GLIS3: variants seen among roughly 807,000 people sequenced by gnomAD.
The protein encoded by GLIS3 is zinc finger protein GLIS3.
A neutral mutation model predicts 78.6 loss-of-function variants in GLIS3; 53 were observed. The ratio of observed to expected loss-of-function variants is 0.67; its 90% CI spans 0.54 to 0.85. The LOEUF (loss-of-function observed/expected upper bound fraction) is 0.85, where lower values mean the gene tolerates loss of function less well. Ranked by LOEUF, GLIS3 falls within the 40% of genes least tolerant of loss-of-function variation. The pLI, the probability that GLIS3 is intolerant of heterozygous loss-of-function variation, is 0.00. For missense variants in GLIS3, 1,703 were observed against 1,231.1 expected, an observed-to-expected ratio of 1.38 and a Z score of -5.74; for synonymous variants, 684 against 509.9, an observed-to-expected ratio of 1.34 and a Z score of -4.60.
the GLIS3 span, among the ~76,000 whole-genome samples, chr9:4,373,128 C>T: frequency 2.0e-5 from 3 of 152,296 alleles, no homozygotes; most frequent in African/African-American, 7.2e-5. Flanking sequence ...CAGAAAAATA[C>T]GGGCTTTTGT....
intron 2 of GLIS3, among the ~76,000 whole-genome samples, chr9:4,166,835 G>C (rs999021600): frequency 6.6e-6 from 1 of 152,244 alleles, no homozygotes; most frequent in Non-Finnish European, 1.5e-5. Flanking sequence ...CAGATGGTAA[G>C]ATGTAGAGAC....
chr9:4,149,297 C>T (rs760493965), intron 2 of GLIS3, among the ~76,000 whole-genome samples: 1 of 152,210 alleles, frequency 6.6e-6, no homozygotes, highest in Non-Finnish European at 1.5e-5. Flanking sequence ...TCCCATTTCA[C>T]AGGGGAGGAA....
the GLIS3 span, among the ~76,000 whole-genome samples, chr9:4,368,563 G>A: frequency 1.3e-5 from 2 of 152,154 alleles, no homozygotes; most frequent in African/African-American, 4.8e-5. Context: ...GTGTTAGCCA[G>A]GATGGTCTCC....
chr9:4,157,931 G>T (rs979867272), intron 2 of GLIS3, among the ~76,000 whole-genome samples: 5 of 152,138 alleles, frequency 3.3e-5, no homozygotes, highest in Non-Finnish European at 7.3e-5. Context: ...AACCTTTTCA[G>T]TAAAAATATG....
intron 2 of GLIS3, among the ~76,000 whole-genome samples, chr9:4,259,832 T>C (rs533970776): frequency 1.3e-5 from 2 of 152,118 alleles, no homozygotes; most frequent in East Asian, 1.9e-4. Flanking sequence ...TGCCATTTTG[T>C]AAAAAAAAGT....
chr9:4,221,601 T>G (rs1821335881), intron 2 of GLIS3, among the ~76,000 whole-genome samples: 1 of 152,136 alleles, frequency 6.6e-6, no homozygotes, highest in South Asian at 2.1e-4. Flanking sequence ...AGTCCCCCCT[T>G]TAATATCAAA....
In GLIS3 at chr9:4,239,989, T is replaced by G. The variant is rs192117514; in HGVS notation, c.388+46049A>C. Among the ~76,000 whole-genome samples, 3 of 152,354 alleles carry G rather than the reference T, an allele frequency of 2.0e-5. No homozygotes were observed. In the East Asian group the frequency reaches 5.8e-4, roughly 29 times the overall value. On this transcript the variant is annotated intron_variant, in intron 2 of 10. Coordinates refer to ENST00000381971, the MANE Select transcript of GLIS3 (RefSeq NM_001042413.2). Reference sequence around the variant, plus strand: ...AGTTACTTTTTTCTAACTTCACTTTTTTTACGTTGAATTATTTCTGCAACC... The same window carrying G: ...AGTTACTTTTTTCTAACTTCACTTTGTTTACGTTGAATTATTTCTGCAACC...
At chr9:4,450,750 G>A in the GLIS3 span, among the ~76,000 whole-genome samples, 3 of 152,172 alleles carry the variant, frequency 2.0e-5, no homozygotes, top group African/African-American at 4.8e-5. Flanking sequence ...GCCAAACTAA[G>A]CTTCACAAGT....
chr9:4,152,157 C>G, intron 2 of GLIS3: 4 of 978,140 alleles, frequency 4.1e-6, no homozygotes. Context: ...ACTCTGCTTC[C>G]TCCAACACCC....
chr9:4,318,044 A>G (rs1024706656), intron 2 of GLIS3, among the ~76,000 whole-genome samples: 1 of 152,230 alleles, frequency 6.6e-6, no homozygotes, highest in African/African-American at 2.4e-5. Context: ...GAAAAATTAT[A>G]GAAACTGAGG....
At chr9:3,984,225 C>G (rs1819540718) in intron 4 of GLIS3, among the ~76,000 whole-genome samples, 1 of 152,242 alleles carries the variant, frequency 6.6e-6, no homozygotes, top group Non-Finnish European at 1.5e-5. Context: ...GGTAGATCCA[C>G]TGACAGCTTG....
chr9:4,072,510 T>C (rs1827699558), intron 4 of GLIS3, among the ~76,000 whole-genome samples: 1 of 152,194 alleles, frequency 6.6e-6, no homozygotes, highest in Non-Finnish European at 1.5e-5. Context: ...ATTTATTTTT[T>C]TGAGGTGGGT....
At chr9:4,044,821 G>C (rs1204051003) in intron 4 of GLIS3, among the ~76,000 whole-genome samples, 1 of 152,094 alleles carries the variant, frequency 6.6e-6, no homozygotes. Flanking sequence ...TTTATCTTTG[G>C]GCAGATCCAT....
At chr9:4,353,993 A>ATTTTTTTTTTTTTTTTTTTTTT in the GLIS3 span, among the ~76,000 whole-genome samples, 4 of 135,756 alleles carry the variant, frequency 2.9e-5, no homozygotes, top group East Asian at 2.1e-4. Context: ...ACACCCGGCT[A>ATTTTTTTTTTTTTTTTTTTTTT]TTTTTTTTTT....
intron 2 of GLIS3, among the ~76,000 whole-genome samples, chr9:4,159,451 G>C (rs907309819): frequency 4.6e-5 from 7 of 152,206 alleles, no homozygotes; most frequent in Non-Finnish European, 1.0e-4. Context: ...AGGCGCAGTG[G>C]CTCATGTCTG....
chr9:4,431,228 A>G, the GLIS3 span, among the ~76,000 whole-genome samples: 1 of 152,228 alleles, frequency 6.6e-6, no homozygotes, highest in Non-Finnish European at 1.5e-5. Context: ...CTTTGATGCC[A>G]ACAGAATAAC....
intron 2 of GLIS3, among the ~76,000 whole-genome samples, chr9:4,342,316 C>T (rs1323067735): frequency 6.6e-6 from 1 of 152,158 alleles, no homozygotes; most frequent in Non-Finnish European, 1.5e-5. Context: ...CGCGGCTAGC[C>T]AGTTATCCCA....
chr9:4,015,003 G>C (rs1414758040), intron 4 of GLIS3, among the ~76,000 whole-genome samples: 3 of 152,100 alleles, frequency 2.0e-5, no homozygotes, highest in Non-Finnish European at 2.9e-5. Context: ...CATTCTAAAA[G>C]AATTGATAGA....
At position 3,932,371 on chromosome 9, in the gene GLIS3, C is replaced by T. The variant is rs1031715791; in HGVS notation, c.1972G>A (p.Ala658Thr). 6 of 1,612,248 alleles carry T rather than the reference C, an allele frequency of 3.7e-6. No homozygotes were observed. Among genetic ancestry groups the T allele is most frequent in the Non-Finnish European group, 5.1e-6 (6 of 1,178,616 alleles). The change falls in exon 6 of 11, where the codon GCA becomes ACA. Residue 658 changes from alanine to threonine, a missense_variant. Ala to Thr is a moderately conservative substitution (Grantham distance 58). Coordinates refer to ENST00000381971, the MANE Select transcript of GLIS3 (RefSeq NM_001042413.2). ...VKAHSSKEQQ[A>T]RKKLRSSTEL... Reference sequence around the variant, plus strand: ...TCTTTTAAAATTACCTTTTTCCTTGCTTGTTGCTCTTTGGAAGAATGTGCC... The same window carrying T: ...TCTTTTAAAATTACCTTTTTCCTTGTTTGTTGCTCTTTGGAAGAATGTGCC...
Sources: allele counts gnomAD v4.1 joint callset (sites outside exome capture counted in the v4.1 genomes callset), GRCh38; gene constraint gnomAD v4.1.1; transcripts MANE v1.5; gene names NCBI Gene and HGNC (gene_info 2026-07-23, HGNC 2026-07-21).